The following PAN3 variants were observed in gnomAD, a reference collection of about 807,000 sequenced individuals.
The protein encoded by PAN3 is poly(A) specific ribonuclease subunit PAN3, also known as PAN2-PAN3 deadenylation complex subunit PAN3.
A neutral mutation model predicts 96.2 loss-of-function variants in PAN3; 19 were observed. The ratio of observed to expected loss-of-function variants is 0.20; its 90% CI spans 0.14 to 0.29. The LOEUF (loss-of-function observed/expected upper bound fraction) is 0.29. Ranked by LOEUF, PAN3 falls within the 10% of genes least tolerant of loss-of-function variation. The pLI is 1.00. For missense variants in PAN3, 882 were observed against 1,108.1 expected, an observed-to-expected ratio of 0.80 and a Z score of 2.90; for synonymous variants, 433 against 406.6, an observed-to-expected ratio of 1.06 and a Z score of -0.78.
At chr13:28,211,343 C>T (rs1330591553) in intron 5 of PAN3, among the ~76,000 whole-genome samples, 3 of 152,082 alleles carry the variant, frequency 2.0e-5, no homozygotes, top group African/African-American at 7.2e-5. Context: ...CTAGTCACTC[C>T]CAGTGGCATG....
intron 4 of PAN3, 98 bp from the exon 5 acceptor site, chr13:28,197,087 C>G: frequency 7.3e-7 from 1 of 1,363,006 alleles, no homozygotes; most frequent in South Asian, 1.8e-5. Flanking sequence ...TGTTTCCTAT[C>G]CCACCGTTCC....
intron 6 of PAN3, among the ~76,000 whole-genome samples, chr13:28,233,836 T>C (rs1332383119): frequency 6.6e-6 from 1 of 152,212 alleles, no homozygotes; most frequent in African/African-American, 2.4e-5. Context: ...GTAAAAAGAA[T>C]ATAGTTCCAT....
chr13:28,170,485 T>C (rs1874156905), intron 1 of PAN3, among the ~76,000 whole-genome samples: 1 of 152,234 alleles, frequency 6.6e-6, no homozygotes, highest in African/African-American at 2.4e-5. Flanking sequence ...TCAATAATTG[T>C]TCTATTGGCT....
rs577188463 is a variant in PAN3 at position 28,230,304 on chromosome 13, CAA to C, written c.1000+9929_1000+9930del. ...TTCCACCTTGGTAATGTTAGTGAGA[CAA>C]AATATAAATTAGTTACTATAACTTT... On this transcript the variant is annotated intron_variant, in intron 6 of 18. Transcript: ENST00000380958. Among the ~76,000 whole-genome samples the C allele has an allele frequency of 4.4e-3, 662 of 151,368 alleles. 8 individuals carry two copies. The highest frequency in any genetic ancestry group is 0.015 in the African/African-American group (629 of 41,324).
intron 1 of PAN3, among the ~76,000 whole-genome samples, chr13:28,141,462 CTTTT>C (rs759736683): frequency 7.8e-5 from 7 of 90,316 alleles, no homozygotes; most frequent in African/African-American, 3.0e-4. Flanking sequence ...TTCTTTTTTT[CTTTT>C]TTTTTTTTTT....
Position 28,293,365 on chromosome 13 carries a change from T to TTA in PAN3, c.*844_*845dup, listed in dbSNP as rs1013393033. ...GCCTAAAGTTCAGGAGTGTATTACT[T>TTA]TAGGTTCTTTCCAGTTTGCTGGTTT... On this transcript the variant is annotated 3_prime_UTR_variant, in exon 19 of 19. Coordinates refer to ENST00000380958, the MANE Select transcript of PAN3 (RefSeq NM_175854.8). 5 of 150,672 alleles carry TTA rather than the reference T, an allele frequency of 3.3e-5. No homozygotes were observed. Among genetic ancestry groups the TTA allele is most frequent in the African/African-American group, 9.8e-5 (4 of 40,688 alleles). The allele number at this position is 150,672 out of a possible 1,614,324, so 9.3% of individuals were successfully genotyped here. A position where few individuals can be genotyped will look rare whatever the true frequency, so the allele number is the denominator to read the frequency against.
At chr13:28,280,014 G>T (rs1309520429) in intron 15 of PAN3, among the ~76,000 whole-genome samples, 6 of 151,882 alleles carry the variant, frequency 4.0e-5, no homozygotes, top group Non-Finnish European at 8.8e-5. Context: ...GGCCAGGCTG[G>T]TCTTAAAGTG....
chr13:28,191,203 G>T (rs1877217490), intron 4 of PAN3, among the ~76,000 whole-genome samples: 1 of 152,126 alleles, frequency 6.6e-6, no homozygotes, highest in Non-Finnish European at 1.5e-5. Flanking sequence ...AATTGTGTTT[G>T]CCCTGTTTAT....
At chr13:28,273,090 GGTTT>G (rs929172375) in intron 14 of PAN3, among the ~76,000 whole-genome samples, 10 of 152,036 alleles carry the variant, frequency 6.6e-5, no homozygotes, top group African/African-American at 2.4e-4. Flanking sequence ...TGTTTTCATA[GGTTT>G]GTTATTGGAT....
At position 28,198,487 on chromosome 13, in the gene PAN3, C is replaced by A. The variant is rs898461526; in HGVS notation, c.852+1141C>A. On this transcript the variant is annotated intron_variant, in intron 5 of 18. Coordinates refer to ENST00000380958, the MANE Select transcript of PAN3 (RefSeq NM_175854.8). ...GTCATAGAGTCATTACAAATACATT[C>A]CATCTTTGACTGTACCTTTTTTGTC... Among the ~76,000 whole-genome samples, 7 of 152,232 alleles carry A rather than the reference C, an allele frequency of 4.6e-5. No individual in the cohort carries two copies. In the South Asian group the frequency reaches 1.5e-3, roughly 32 times the overall value.
At chr13:28,204,711 T>C (rs1879143578) in intron 5 of PAN3, among the ~76,000 whole-genome samples, 1 of 152,216 alleles carries the variant, frequency 6.6e-6, no homozygotes, top group Non-Finnish European at 1.5e-5. Flanking sequence ...GAATGAAAGG[T>C]TCTGGGAAAT....
chr13:28,240,655 C>G (rs1883571998), intron 6 of PAN3, among the ~76,000 whole-genome samples: 1 of 152,150 alleles, frequency 6.6e-6, no homozygotes, highest in Non-Finnish European at 1.5e-5. Context: ...GCAGAAAATT[C>G]AACTTTCGCT....
chr13:28,242,016 A>G (rs966328953), intron 6 of PAN3, among the ~76,000 whole-genome samples: 10 of 152,284 alleles, frequency 6.6e-5, no homozygotes, highest in African/African-American at 2.4e-4. Context: ...CATTAAAACT[A>G]TTTGTATAAC....
chr13:28,248,825 G>T (rs552839537), intron 6 of PAN3, among the ~76,000 whole-genome samples: 3 of 152,112 alleles, frequency 2.0e-5, no homozygotes, highest in Non-Finnish European at 4.4e-5. Flanking sequence ...TTTCTCATTC[G>T]ATATGGTGTT....
chr13:28,141,365 C>T (rs942781497), intron 1 of PAN3, among the ~76,000 whole-genome samples: 1 of 149,372 alleles, frequency 6.7e-6, no homozygotes, highest in African/African-American at 2.5e-5. Context: ...CTAGGATTCT[C>T]TTTTTAAAAA....
rs940382515 is a variant in PAN3 at position 28,293,725 on chromosome 13, A to G, written c.*1203A>G. On this transcript the variant is annotated 3_prime_UTR_variant, in exon 19 of 19. Transcript: ENST00000380958. ...CTCTTAACTTTCTTAATATTTGGAC[A>G]TGCAGTTGTCGCCAAACTTGGGTAT... 6.6e-6 allele frequency: 1 copy of G among 152,642 alleles called. No homozygotes were observed. Among genetic ancestry groups the G allele is most frequent in the Non-Finnish European group, 1.5e-5 (1 of 68,042 alleles). The allele number at this position is 152,642 out of a possible 1,614,324, so 9.5% of individuals were successfully genotyped here. A position where few individuals can be genotyped will look rare whatever the true frequency, so the allele number is the denominator to read the frequency against.
At chr13:28,284,567 A>G (rs930075032) in intron 17 of PAN3, among the ~76,000 whole-genome samples, 10 of 152,116 alleles carry the variant, frequency 6.6e-5, no homozygotes, top group Non-Finnish European at 1.3e-4. Flanking sequence ...ATTTCTTCAT[A>G]TTAAAAATGT....
chr13:28,176,048 G>A (rs45541538), intron 2 of PAN3, among the ~76,000 whole-genome samples: 5,739 of 152,206 alleles, frequency 0.038, 331 homozygotes, highest in African/African-American at 0.13. Context: ...AGCATAGAAC[G>A]TGTTTAGAGA....
At chr13:28,216,573 C>T (rs1293971971) in intron 5 of PAN3, among the ~76,000 whole-genome samples, 1 of 152,152 alleles carries the variant, frequency 6.6e-6, no homozygotes, top group African/African-American at 2.4e-5. Flanking sequence ...TACCAATTTA[C>T]AGAGCCCTTA....
Sources: allele counts gnomAD v4.1 joint callset (sites outside exome capture counted in the v4.1 genomes callset), GRCh38; gene constraint gnomAD v4.1.1; transcripts MANE v1.5; gene names NCBI Gene and HGNC (gene_info 2026-07-23, HGNC 2026-07-21).